Variants in NUCKS1 observed in about 807,000 individuals in gnomAD.
The protein encoded by NUCKS1 is nuclear casein kinase and cyclin dependent kinase substrate 1.
A neutral mutation model predicts 33.0 loss-of-function variants in NUCKS1; 2 were observed. The ratio of observed to expected loss-of-function variants is 0.06; its 90% confidence interval spans 0.02 to 0.19. The LOEUF (loss-of-function observed/expected upper bound fraction) is 0.19, where lower values mean the gene tolerates loss of function less well. NUCKS1 is among the 10% of genes least tolerant of loss of function. NUCKS1 has a pLI of 1.00. For missense variants in NUCKS1, 201 were observed against 293.6 expected, an observed-to-expected ratio of 0.68 and a Z score of 2.31; for synonymous variants, 106 against 102.8, an observed-to-expected ratio of 1.03 and a Z score of -0.19.
At chr1:205,732,984 C>T (rs534220030) in intron 1 of NUCKS1, among the ~76,000 whole-genome samples, 10 of 151,998 alleles carry the variant, frequency 6.6e-5, no homozygotes, top group South Asian at 2.1e-4. Context: ...ATAATGCAAA[C>T]ACGACCATTT....
intron 3 of NUCKS1, among the ~76,000 whole-genome samples, chr1:205,726,453 A>G (rs747704212): frequency 2.6e-5 from 4 of 152,226 alleles, no homozygotes; most frequent in Non-Finnish European, 4.4e-5. Flanking sequence ...TTAAAAGCAC[A>G]CTTCTGAAAT....
intron 1 of NUCKS1, among the ~76,000 whole-genome samples, chr1:205,731,524 A>T (rs1187965909): frequency 1.1e-4 from 16 of 152,170 alleles, no homozygotes; most frequent in Non-Finnish European, 2.4e-4. Context: ...CAAACAGCCT[A>T]CCTGGCAAAA....
At chr1:205,747,023 A>G (rs973368918) in intron 1 of NUCKS1, among the ~76,000 whole-genome samples, 1 of 152,190 alleles carries the variant, frequency 6.6e-6, no homozygotes. Context: ...CTCACCTCTT[A>G]CAAGTAATGG....
intron 3 of NUCKS1, among the ~76,000 whole-genome samples, chr1:205,724,594 T>C (rs922233997): frequency 1.3e-5 from 2 of 152,008 alleles, no homozygotes; most frequent in Non-Finnish European, 2.9e-5. Flanking sequence ...CTCGGGAGGC[T>C]GAGAGAGGAG....
rs368408584 is a variant in NUCKS1, at chr1:205,725,162, G to A, written c.174-1181C>T. Among the ~76,000 whole-genome samples the A allele has an allele frequency of 3.1e-4, 47 of 152,266 alleles. No individual in the cohort carries two copies. In the Middle Eastern group the frequency reaches 0.017, roughly 55 times the overall value. ...ATCCCAAAGTGCTGGGATTACAAGC[G>A]TGAGCCACCATATCCAGCACCTAGT... On this transcript the variant is annotated intron_variant, in intron 3 of 6. Coordinates refer to ENST00000367142, the MANE Select transcript of NUCKS1 (RefSeq NM_022731.5).
At chr1:205,719,879 A>T (rs1186153227) in intron 5 of NUCKS1, among the ~76,000 whole-genome samples, 1 of 152,194 alleles carries the variant, frequency 6.6e-6, no homozygotes, top group Non-Finnish European at 1.5e-5. Flanking sequence ...CTTACATGAG[A>T]GAGTTACATG....
intron 1 of NUCKS1, among the ~76,000 whole-genome samples, chr1:205,745,730 C>A (rs1324377034): frequency 3.9e-5 from 6 of 152,082 alleles, no homozygotes; most frequent in Admixed American, 2.0e-4. Flanking sequence ...TGAGCTCAAA[C>A]CTTAGCTCTG....
chr1:205,723,790 G>C (rs544778526), intron 4 of NUCKS1, 136 bp downstream of exon 4: 8 of 612,732 alleles, frequency 1.3e-5, no homozygotes, highest in Admixed American at 2.8e-5. Context: ...CAATCATTAG[G>C]AGCTCTTTGA....
intron 1 of NUCKS1, among the ~76,000 whole-genome samples, chr1:205,735,218 T>C (rs889380712): frequency 2.0e-5 from 3 of 152,242 alleles, no homozygotes; most frequent in African/African-American, 2.4e-5. Context: ...AAGATTATTA[T>C]AGCATATTTT....
chr1:205,726,400 A>G (rs1653779386), intron 3 of NUCKS1, among the ~76,000 whole-genome samples: 1 of 152,232 alleles, frequency 6.6e-6, no homozygotes, highest in Admixed American at 6.5e-5. Flanking sequence ...AAGAAGCTCT[A>G]GAAGACTTGT....
chr1:205,742,384 T>C (rs1417445116), intron 1 of NUCKS1, among the ~76,000 whole-genome samples: 1 of 152,214 alleles, frequency 6.6e-6, no homozygotes, highest in Non-Finnish European at 1.5e-5. Flanking sequence ...ATTAAGACCA[T>C]TTAAATAGTA....
rs1376006565 is a variant in NUCKS1, at chr1:205,719,579, G to C, written c.480C>G (p.Ser160=). ...TTTTCTTTTCTTTTCTTTCAGGTTT[G>C]GACTTCTTAACCATCTTTTTGTTTT... ...KKKNKKMVKK[S]KPERKEKKMP... is the part of the protein sequence containing the mutation. The change falls in exon 6 of 7, where the codon TCC becomes TCG. Residue 160 remains serine, a synonymous_variant. Transcript: ENST00000367142. The C allele has an allele frequency of 6.2e-7, 1 of 1,613,166 alleles. No homozygotes were observed. Among genetic ancestry groups the C allele is most frequent in the Non-Finnish European group, 8.5e-7 (1 of 1,179,728 alleles).
intron 4 of NUCKS1, among the ~76,000 whole-genome samples, chr1:205,722,079 A>T (rs976169052): frequency 1.6e-4 from 24 of 151,892 alleles, no homozygotes; most frequent in African/African-American, 5.1e-4. Context: ...ATGAAAAAAA[A>T]ATTTTTTTTT....
intron 1 of NUCKS1, 57 bp downstream of exon 1, chr1:205,749,900 T>A: frequency 6.4e-7 from 1 of 1,566,302 alleles, no homozygotes; most frequent in Non-Finnish European, 8.7e-7. Context: ...CCCACTCTTT[T>A]CACCACTCGC....
chr1:205,747,149 G>A (rs1023262531), intron 1 of NUCKS1, among the ~76,000 whole-genome samples: 1 of 152,174 alleles, frequency 6.6e-6, no homozygotes, highest in Non-Finnish European at 1.5e-5. Context: ...CGGGCAGAAG[G>A]TACAGCGATC....
chr1:205,738,814 G>A (rs1654095296), intron 1 of NUCKS1, among the ~76,000 whole-genome samples: 1 of 152,154 alleles, frequency 6.6e-6, no homozygotes, highest in Non-Finnish European at 1.5e-5. Flanking sequence ...GGGCTGAGGT[G>A]GGAGAATAGC....
At chr1:205,727,941 T>C (rs1305026213) in intron 2 of NUCKS1, 136 bp from the exon 3 acceptor site, 3 of 654,948 alleles carry the variant, frequency 4.6e-6, no homozygotes, top group Non-Finnish European at 7.7e-6. Flanking sequence ...TTCTTTCATC[T>C]TTAAAAAACT....
chr1:205,733,270 T>C (rs920150048), intron 1 of NUCKS1, among the ~76,000 whole-genome samples: 1 of 152,154 alleles, frequency 6.6e-6, no homozygotes, highest in African/African-American at 2.4e-5. Context: ...AATGAATAAA[T>C]TGAGAATATT....
intron 1 of NUCKS1, among the ~76,000 whole-genome samples, chr1:205,746,813 C>G (rs1314103820): frequency 2.0e-5 from 3 of 152,164 alleles, no homozygotes; most frequent in Non-Finnish European, 4.4e-5. Flanking sequence ...TCTAAATTTT[C>G]AATGGTAAGG....
Sources: allele counts gnomAD v4.1 joint callset (sites outside exome capture counted in the v4.1 genomes callset), GRCh38; gene constraint gnomAD v4.1.1; transcripts MANE v1.5; gene names NCBI Gene and HGNC (gene_info 2026-07-23, HGNC 2026-07-21).